The following ADAMTS2 variants were observed in gnomAD, a reference collection of about 807,000 sequenced individuals.
The protein encoded by ADAMTS2 is ADAM metallopeptidase with thrombospondin type 1 motif 2.
A neutral mutation model predicts 123.0 loss-of-function variants in ADAMTS2; 50 were observed. That is an observed-to-expected ratio of 0.41 (90% CI 0.32 to 0.51). The LOEUF (loss-of-function observed/expected upper bound fraction) is 0.51. ADAMTS2 is among the 20% of genes least tolerant of loss of function. The pLI, the probability that ADAMTS2 is intolerant of heterozygous loss-of-function variation, is 0.35. For missense variants in ADAMTS2, 1,494 were observed against 1,705.2 expected (o/e 0.88, Z 2.18); for synonymous variants, 678 against 695.4 (o/e 0.98, Z 0.39).
At chr5:179,254,674 C>T (rs887614451) in intron 3 of ADAMTS2, among the ~76,000 whole-genome samples, 5 of 152,234 alleles carry the variant, frequency 3.3e-5, no homozygotes, top group Non-Finnish European at 5.9e-5. Context: ...CTCCCTCTCA[C>T]TGTCCCTGAA....
chr5:179,206,742 G>A (rs901551435), intron 4 of ADAMTS2, among the ~76,000 whole-genome samples: 14 of 152,356 alleles, frequency 9.2e-5, no homozygotes, highest in African/African-American at 3.4e-4. Context: ...GAGGCAGAGA[G>A]AGGAAAGGTC....
intron 6 of ADAMTS2, among the ~76,000 whole-genome samples, chr5:179,157,529 TTC>T (rs1391092781): frequency 3.3e-5 from 5 of 151,542 alleles, no homozygotes; most frequent in African/African-American, 7.3e-5. Context: ...TTTTTTTTTT[TTC>T]TTGTAAGACA....
At position 179,272,595 on chromosome 5, in the gene ADAMTS2, G is replaced by A. The variant is rs370522172; in HGVS notation, c.688+316C>T. Among the ~76,000 whole-genome samples the A allele has an allele frequency of 3.3e-4, 50 of 152,108 alleles. No individual in the cohort carries two copies. Among genetic ancestry groups the A allele is most frequent in the African/African-American group, 1.2e-3 (48 of 41,446 alleles). On this transcript the variant is annotated intron_variant, in intron 3 of 21. Transcript: ENST00000251582. This position sits in a 1 kb window ranked among gnomAD's most constrained non-coding sequence, Gnocchi z 5.8. ...GCCCCCGCCCCGCTCCACGACACTT[G>A]CTTGCCTTTAGGCAACAGAAGATGG...
chr5:179,181,210 G>C lies in ADAMTS2; in HGVS notation c.892-55C>G. ...ACCACAGGCCCTAGGACTGGCTCTG[G>C]CTCTGCCAATGGGATGACCCCCACC... On this transcript the variant is annotated intron_variant, in intron 4 of 21. Transcript: ENST00000251582. This position sits in a 1 kb window ranked among gnomAD's most constrained non-coding sequence, Gnocchi z 4.1. 1 of 1,333,016 alleles carries C rather than the reference G, an allele frequency of 7.5e-7. No homozygotes were observed. The allele number at this position is 1,333,016 out of a possible 1,614,324, so 82.6% of individuals were successfully genotyped here.
rs140088124 is a variant in ADAMTS2, at chr5:179,330,549, G to A, written c.534+13218C>T. Among the ~76,000 whole-genome samples the A allele has an allele frequency of 4.6e-3, 704 of 152,344 alleles. 6 individuals are homozygous for A. Among genetic ancestry groups the A allele is most frequent in the African/African-American group, 0.017 (689 of 41,580 alleles). On this transcript the variant is annotated intron_variant, in intron 2 of 21. Coordinates refer to ENST00000251582, the MANE Select transcript of ADAMTS2 (RefSeq NM_014244.5). Reference sequence around the variant, plus strand: ...GCAAAGAGAAGAACGCAGCAACTCTGGCAACCTGACTGTGGAGGCAGACAC... The same window carrying A: ...GCAAAGAGAAGAACGCAGCAACTCTAGCAACCTGACTGTGGAGGCAGACAC...
intron 10 of ADAMTS2, among the ~76,000 whole-genome samples, chr5:179,149,294 G>T (rs1345081009): frequency 6.6e-6 from 1 of 152,204 alleles, no homozygotes; most frequent in Non-Finnish European, 1.5e-5. Flanking sequence ...CAGGAAGATG[G>T]CAAGCCAGGA....
At chr5:179,291,911 A>G (rs1016266807) in intron 2 of ADAMTS2, among the ~76,000 whole-genome samples, 58 of 144,078 alleles carry the variant, frequency 4.0e-4, no homozygotes, top group South Asian at 1.6e-3. Context: ...TAATTTAAAA[A>G]AAAAAAAAAA....
At chr5:179,265,396 G>A (rs773216555) in intron 3 of ADAMTS2, among the ~76,000 whole-genome samples, 1 of 152,232 alleles carries the variant, frequency 6.6e-6, no homozygotes, top group Non-Finnish European at 1.5e-5. Context: ...CAGGGGAGTT[G>A]CTGCGCACGT....
In ADAMTS2 at chr5:179,162,896, G is replaced by A. The variant is rs1364263729; in HGVS notation, c.976-4017C>T. Among the ~76,000 whole-genome samples, 2 of 152,222 alleles carry A rather than the reference G, an allele frequency of 1.3e-5. No individual in the cohort carries two copies. Among genetic ancestry groups the A allele is most frequent in the Non-Finnish European group, 2.9e-5 (2 of 68,044 alleles). ...TGGGGGACCACAGGGACCCCAGTCAGGACACTCGCTGGCCCATGAAAGATG... is the reference window on the plus strand; with the variant it reads ...TGGGGGACCACAGGGACCCCAGTCAAGACACTCGCTGGCCCATGAAAGATG... On this transcript the variant is annotated intron_variant, in intron 5 of 21. Transcript: ENST00000251582. The surrounding 1 kb of genome is among the most constrained non-coding windows in gnomAD (Gnocchi z 5.1).
At chr5:179,334,484 A>T (rs547532813) in intron 2 of ADAMTS2, among the ~76,000 whole-genome samples, 2 of 152,360 alleles carry the variant, frequency 1.3e-5, no homozygotes, top group South Asian at 2.1e-4. Flanking sequence ...TTCAGAGGAT[A>T]TTGCCTTCAC....
chr5:179,125,773 A>G (rs542942176), intron 18 of ADAMTS2, among the ~76,000 whole-genome samples: 4 of 152,360 alleles, frequency 2.6e-5, no homozygotes, highest in South Asian at 4.1e-4. Context: ...CCATCTGGGC[A>G]TCCCTGTTTC....
chr5:179,233,952 G>T (rs758652111), intron 3 of ADAMTS2, among the ~76,000 whole-genome samples: 5 of 152,148 alleles, frequency 3.3e-5, no homozygotes, highest in African/African-American at 9.7e-5. Context: ...CAGAGTGTGG[G>T]ATTTGAGCCG....
At chr5:179,174,290 A>C (rs1763888066) in intron 5 of ADAMTS2, among the ~76,000 whole-genome samples, 1 of 151,624 alleles carries the variant, frequency 6.6e-6, no homozygotes, top group African/African-American at 2.4e-5. Context: ...TTTCCTTATG[A>C]TTTAGAGGAG....
rs563524373 is a variant in ADAMTS2 at position 179,279,963 on chromosome 5, C to T, written c.535-6899G>A. On this transcript the variant is annotated intron_variant, in intron 2 of 21. Transcript: ENST00000251582. ...CTCCTCCTCTGTCTCATGGGATCCTCGCCAGGTGCCAGCCACTCCCGTCCT... is the reference window on the plus strand; with the variant it reads ...CTCCTCCTCTGTCTCATGGGATCCTTGCCAGGTGCCAGCCACTCCCGTCCT... Among the ~76,000 whole-genome samples the T allele has an allele frequency of 8.5e-5, 13 of 152,338 alleles. No individual in the cohort carries two copies. The East Asian group carries it at 1.2e-3, about 14-fold the overall frequency.
intron 2 of ADAMTS2, among the ~76,000 whole-genome samples, chr5:179,328,284 G>A (rs555994505): frequency 1.4e-4 from 22 of 152,336 alleles, no homozygotes; most frequent in Admixed American, 3.3e-4. Flanking sequence ...CACCCGCCTC[G>A]GCCTCCCAAA....
At chr5:179,305,961 A>G (rs1471381292) in intron 2 of ADAMTS2, among the ~76,000 whole-genome samples, 2 of 152,196 alleles carry the variant, frequency 1.3e-5, no homozygotes, top group Non-Finnish European at 2.9e-5. Context: ...TTCTGTAACT[A>G]TTAAAGAAAA....
rs187104121 is a variant in ADAMTS2 at position 179,186,636 on chromosome 5, G to A, written c.892-5481C>T. Among the ~76,000 whole-genome samples, 615 of 152,328 alleles carry A rather than the reference G, an allele frequency of 4.0e-3. 6 individuals are homozygous for A. The highest frequency in any genetic ancestry group is 0.014 in the African/African-American group (584 of 41,586). On this transcript the variant is annotated intron_variant, in intron 4 of 21. Transcript: ENST00000251582. Reference sequence around the variant, plus strand: ...TCAGTGTAATTCCCGACAAAACACTGGCGTCCTCAGTAAGGACACAGCGGC... The same window carrying A: ...TCAGTGTAATTCCCGACAAAACACTAGCGTCCTCAGTAAGGACACAGCGGC...
intron 3 of ADAMTS2, among the ~76,000 whole-genome samples, chr5:179,224,880 C>A (rs79627611): frequency 0.017 from 2,522 of 152,158 alleles, 67 homozygotes; most frequent in African/African-American, 0.054. Context: ...CTCGGCTCCA[C>A]GCCCTGAGCA....
At chr5:179,281,140 A>G (rs917870056) in intron 2 of ADAMTS2, among the ~76,000 whole-genome samples, 13 of 152,220 alleles carry the variant, frequency 8.5e-5, no homozygotes, top group African/African-American at 2.9e-4. Flanking sequence ...TTACAGGCAT[A>G]AGCCATGGCG....
Sources: allele counts gnomAD v4.1 joint callset (sites outside exome capture counted in the v4.1 genomes callset), GRCh38; gene constraint gnomAD v4.1.1; non-coding constraint Gnocchi (gnomAD v3.1); transcripts MANE v1.5; gene names NCBI Gene and HGNC (gene_info 2026-07-23, HGNC 2026-07-21).